ANKS1B: variants seen among roughly 807,000 people sequenced by gnomAD.
ANKS1B encodes the protein ankyrin repeat and sterile alpha motif domain containing 1B, also known as ankyrin repeat and sterile alpha motif domain-containing protein 1B.
A neutral mutation model predicts 148.3 loss-of-function variants in ANKS1B; 36 were observed. The observed-to-expected ratio is 0.24, with a 90% CI of 0.19 to 0.32. The LOEUF is 0.32. Ranked by LOEUF, ANKS1B falls within the 10% of genes least tolerant of loss-of-function variation. ANKS1B has a pLI of 1.00. For synonymous variants in ANKS1B, 542 were observed against 560.8 expected (o/e 0.97, Z 0.47); for missense variants, 1,157 against 1,542.6 (o/e 0.75, Z 4.19).
chr12:99,249,401 CA>C (rs1456647767), intron 12 of ANKS1B, among the ~76,000 whole-genome samples: 2 of 152,184 alleles, frequency 1.3e-5, no homozygotes, highest in Non-Finnish European at 2.9e-5. Context: ...ATTACCACCC[CA>C]CAATGCTTTA....
intron 8 of ANKS1B, among the ~76,000 whole-genome samples, chr12:99,699,193 C>T (rs944535838): frequency 2.0e-5 from 3 of 152,140 alleles, no homozygotes; most frequent in African/African-American, 7.2e-5. Context: ...CGTGTGTGTG[C>T]ATGTGTGCAC....
chr12:99,181,580 C>T (rs539427165), intron 14 of ANKS1B, among the ~76,000 whole-genome samples: 32 of 152,172 alleles, frequency 2.1e-4, no homozygotes, highest in African/African-American at 7.2e-4. Flanking sequence ...TTGAAATTTT[C>T]ATATTCAAAC....
rs117832617 is a variant in ANKS1B, at chr12:99,658,477, A to T, written c.1129-3267T>A. Among the ~76,000 whole-genome samples, 547 of 152,204 alleles carry T rather than the reference A, an allele frequency of 3.6e-3. 11 individuals are homozygous for T. The East Asian group carries it at 0.065, about 18-fold the overall frequency. ...AAAATTTTCCAGATTTCCCACAAGC[A>T]TGCATGATATCATGTTCTTCTGCTT... On this transcript the variant is annotated intron_variant, in intron 8 of 26. Coordinates refer to ENST00000683438, the MANE Select transcript of ANKS1B (RefSeq NM_001352186.2).
intron 17 of ANKS1B, among the ~76,000 whole-genome samples, chr12:98,878,374 A>AAACAAACAAAC (rs2099697154): frequency 6.7e-6 from 1 of 150,302 alleles, no homozygotes; most frequent in African/African-American, 2.5e-5. Context: ...ACCCTGTCTC[A>AAACAAACAAAC]AAACAAACAA....
At position 98,906,743 on chromosome 12, in the gene ANKS1B, C is replaced by A. The variant is rs1402479372; in HGVS notation, c.2779-74607G>T. On this transcript the variant is annotated intron_variant, in intron 17 of 26. Coordinates refer to ENST00000683438, the MANE Select transcript of ANKS1B (RefSeq NM_001352186.2). ...AAATACCTAGTAGAGATGCTGGGGC[C>A]TAATATTATTGCATAATGGTGATTA... Among the ~76,000 whole-genome samples the A allele has an allele frequency of 2.0e-5, 3 of 152,120 alleles. No individual in the cohort carries two copies. The South Asian group carries it at 6.2e-4, about 32-fold the overall frequency.
chr12:99,869,184 G>T (rs995026108), intron 1 of ANKS1B, among the ~76,000 whole-genome samples: 8 of 152,042 alleles, frequency 5.3e-5, no homozygotes. Flanking sequence ...TCCAATCAAA[G>T]TCCCAGCAGA....
At chr12:99,534,947 G>T (rs182173032) in intron 9 of ANKS1B, among the ~76,000 whole-genome samples, 165 of 151,976 alleles carry the variant, frequency 1.1e-3, no homozygotes, top group African/African-American at 3.4e-3. Context: ...CTGACCTCGT[G>T]ATCTGACCAC....
intron 10 of ANKS1B, among the ~76,000 whole-genome samples, chr12:99,499,886 G>A (rs2096638951): frequency 6.6e-6 from 1 of 152,102 alleles, no homozygotes; most frequent in Admixed American, 6.5e-5. Context: ...ATGGGGTGCT[G>A]CCAAAACAAA....
chr12:99,026,927 T>A (rs1428856595), intron 17 of ANKS1B, among the ~76,000 whole-genome samples: 3 of 152,194 alleles, frequency 2.0e-5, no homozygotes. Context: ...ATTGTATAAA[T>A]CTATCAGGCC....
intron 17 of ANKS1B, among the ~76,000 whole-genome samples, chr12:99,039,351 C>G (rs1267729269): frequency 6.6e-6 from 1 of 152,248 alleles, no homozygotes; most frequent in East Asian, 1.9e-4. Flanking sequence ...ACGTCTTCCT[C>G]TGTGTCTTTC....
At chr12:99,448,483 A>G (rs2095672308) in intron 10 of ANKS1B, among the ~76,000 whole-genome samples, 1 of 152,108 alleles carries the variant, frequency 6.6e-6, no homozygotes, top group South Asian at 2.1e-4. Context: ...ATTAGAAGGA[A>G]TAAGTTCAAG....
intron 12 of ANKS1B, among the ~76,000 whole-genome samples, chr12:99,342,893 G>GA (rs569743665): frequency 4.9e-4 from 74 of 151,866 alleles, no homozygotes; most frequent in African/African-American, 1.7e-3. Context: ...AAAATCTTTA[G>GA]AAATTTGCCT....
intron 15 of ANKS1B, among the ~76,000 whole-genome samples, chr12:99,102,651 G>T (rs540752959): frequency 1.6e-4 from 24 of 152,300 alleles, no homozygotes; most frequent in African/African-American, 4.8e-4. Flanking sequence ...GGCTGATGTG[G>T]GAACATCATT....
chr12:98,846,571 T>C lies in ANKS1B; in HGVS notation c.2779-14435A>G, dbSNP rs117415620. On this transcript the variant is annotated intron_variant, in intron 17 of 26. Transcript: ENST00000683438. ...TTTTGTAAGCTGTTTTGTAAAGATA[T>C]GGAGACAACTGATGATTCTGGAGGT... Among the ~76,000 whole-genome samples, 1,234 of 152,344 alleles carry C rather than the reference T, an allele frequency of 8.1e-3. 22 individuals carry two copies. Among genetic ancestry groups the C allele is most frequent in the East Asian group, 0.062 (320 of 5,186 alleles).
chr12:99,923,937 A>C (rs1232827829), intron 1 of ANKS1B, among the ~76,000 whole-genome samples: 2 of 152,072 alleles, frequency 1.3e-5, no homozygotes, highest in African/African-American at 4.8e-5. Flanking sequence ...TTTCTATTTA[A>C]AATTTTCATA....
intron 12 of ANKS1B, among the ~76,000 whole-genome samples, chr12:99,337,458 C>T (rs2089132714): frequency 6.6e-6 from 1 of 152,012 alleles, no homozygotes; most frequent in Non-Finnish European, 1.5e-5. Context: ...AATTCTCTGT[C>T]TGAAAGGTTA....
chr12:99,257,434 A>G (rs2153978883), intron 12 of ANKS1B, among the ~76,000 whole-genome samples: 1 of 152,218 alleles, frequency 6.6e-6, no homozygotes. Context: ...TCTGCTATTT[A>G]GCCTATTCAT....
intron 5 of ANKS1B, 37 bp from the exon 6 acceptor site, chr12:99,780,009 C>A (rs1291740042): frequency 7.5e-7 from 1 of 1,340,126 alleles, no homozygotes; most frequent in South Asian, 1.2e-5. Flanking sequence ...ATATACACCA[C>A]TGAAGTATCC....
chr12:99,058,970 C>G (rs1475243561), intron 16 of ANKS1B, among the ~76,000 whole-genome samples: 6 of 151,572 alleles, frequency 4.0e-5, no homozygotes, highest in Non-Finnish European at 7.4e-5. Flanking sequence ...ATCTCCTGAC[C>G]TCGTGATCCG....
Sources: gnomAD v4.1 joint callset for allele counts (sites outside exome capture counted in the v4.1 genomes callset) on GRCh38, gnomAD v4.1.1 for gene constraint, MANE v1.5 for transcripts, NCBI Gene and HGNC (gene_info 2026-07-23, HGNC 2026-07-21) for gene names.